DNAH12: variants seen among roughly 807,000 people sequenced by gnomAD.
The protein encoded by DNAH12 is dynein axonemal heavy chain 12, also known as axonemal beta dynein heavy chain 12.
Under a neutral mutation model 371.5 loss-of-function variants are expected in DNAH12, and 285 were observed. The observed-to-expected ratio is 0.77, with a 90% CI of 0.70 to 0.85. DNAH12 has a LOEUF of 0.85. Among genes scored for constraint, DNAH12 ranks in the 40% least tolerant of loss-of-function variants. The pLI is 0.00. For missense variants in DNAH12, 3,611 were observed against 3,689.4 expected (o/e 0.98, Z 0.55); for synonymous variants, 1,200 against 1,213.0 (o/e 0.99, Z 0.22).
intron 69 of DNAH12, among the ~76,000 whole-genome samples, chr3:57,303,877 A>G (rs2061414038): frequency 6.6e-6 from 1 of 152,208 alleles, no homozygotes; most frequent in Non-Finnish European, 1.5e-5. Flanking sequence ...GGCCTGAAGT[A>G]ACTGAAGAAT....
chr3:57,318,522 T>C (rs916075283), intron 65 of DNAH12, among the ~76,000 whole-genome samples: 6 of 152,084 alleles, frequency 3.9e-5, no homozygotes, highest in African/African-American at 7.2e-5. Context: ...TCTGTATGTC[T>C]GACTTTATAC....
chr3:57,304,611 C>G lies in DNAH12; in HGVS notation c.11190-2672G>C, dbSNP rs182362407. ...CTGAACATGGACTTGGGAAGACAGTCTTCCCTTGGTTTTTAATCACGCAGG... is the reference window on the plus strand; with the variant it reads ...CTGAACATGGACTTGGGAAGACAGTGTTCCCTTGGTTTTTAATCACGCAGG... On this transcript the variant is annotated intron_variant, in intron 69 of 73. Transcript: ENST00000495027. Among the ~76,000 whole-genome samples, 332 of 152,308 alleles carry G rather than the reference C, an allele frequency of 2.2e-3. 1 individual carries two copies. The highest frequency in any genetic ancestry group is 3.5e-3 in the Admixed American group (54 of 15,298).
rs1045959470 is a variant in DNAH12, at chr3:57,529,591, T to C, written c.171-5707A>G. On this transcript the variant is annotated intron_variant, in intron 2 of 73. Transcript: ENST00000495027. ...AGTATCAATTGTAATGTCTTCTTTT[T>C]CATCTCTGATTTTATTTATTTGGAT... Among the ~76,000 whole-genome samples, 5 of 152,220 alleles carry C rather than the reference T, an allele frequency of 3.3e-5. No individual in the cohort carries two copies. In the East Asian group the frequency reaches 7.7e-4, roughly 23 times the overall value.
At chr3:57,313,945 GAC>G (rs1250144782) in intron 66 of DNAH12, among the ~76,000 whole-genome samples, 2 of 152,188 alleles carry the variant, frequency 1.3e-5, no homozygotes, top group African/African-American at 2.4e-5. Flanking sequence ...TGCCTTATCA[GAC>G]ACAGAGTGAT....
chr3:57,445,027 A>T, intron 28 of DNAH12, 147 bp downstream of exon 28: 1 of 1,159,084 alleles, frequency 8.6e-7, no homozygotes, highest in East Asian at 2.6e-5. Flanking sequence ...AAGTATAACA[A>T]CATAACCCAA....
intron 19 of DNAH12, 48 bp downstream of exon 19, chr3:57,461,441 T>C (rs2066051199): frequency 6.5e-7 from 1 of 1,529,300 alleles, no homozygotes. Flanking sequence ...TGTAATAGGA[T>C]TGCAATCCGT....
chr3:57,505,776 G>T (rs918856190), intron 8 of DNAH12, among the ~76,000 whole-genome samples: 14 of 151,908 alleles, frequency 9.2e-5, no homozygotes, highest in African/African-American at 2.7e-4. Flanking sequence ...TTGCTCTGTT[G>T]CCCAGGCTGG....
At chr3:57,512,168 A>C (rs1295214029) in intron 4 of DNAH12, among the ~76,000 whole-genome samples, 5 of 152,194 alleles carry the variant, frequency 3.3e-5, no homozygotes, top group Non-Finnish European at 7.3e-5. Flanking sequence ...ATCTCAGACA[A>C]AGTGTAAAGA....
intron 10 of DNAH12, among the ~76,000 whole-genome samples, chr3:57,501,744 A>C (rs1406689142): frequency 1.3e-5 from 2 of 152,196 alleles, no homozygotes; most frequent in East Asian, 3.9e-4. Context: ...AAGACTACAG[A>C]CCAATAAAAT....
At chr3:57,362,037 C>T (rs1288349734) in intron 58 of DNAH12, among the ~76,000 whole-genome samples, 1 of 151,528 alleles carries the variant, frequency 6.6e-6, no homozygotes, top group African/African-American at 2.4e-5. Flanking sequence ...TGACAGCTCC[C>T]AGTGTATGAT....
At chr3:57,479,634 C>T (rs1255409678) in intron 13 of DNAH12, among the ~76,000 whole-genome samples, 3 of 152,210 alleles carry the variant, frequency 2.0e-5, no homozygotes, top group Non-Finnish European at 4.4e-5. Context: ...CTCAGCACCA[C>T]ACAGCACTTA....
chr3:57,552,484 T>C, the DNAH12 span, among the ~76,000 whole-genome samples: 1 of 152,378 alleles, frequency 6.6e-6, no homozygotes, highest in South Asian at 2.1e-4. Context: ...TTCACAGTTA[T>C]CTAATTTACT....
chr3:57,426,407 T>C (rs1029330944), intron 34 of DNAH12, among the ~76,000 whole-genome samples: 19 of 152,130 alleles, frequency 1.2e-4, no homozygotes, highest in Admixed American at 9.8e-4. Context: ...CTGCATGGTA[T>C]TGATTCAGGT....
chr3:57,385,932 T>C (rs1004994193), intron 47 of DNAH12, among the ~76,000 whole-genome samples: 2 of 152,090 alleles, frequency 1.3e-5, no homozygotes, highest in Admixed American at 6.5e-5. Flanking sequence ...AGTAGGAGAA[T>C]GCAGTCACCA....
At position 57,334,788 on chromosome 3, in the gene DNAH12, C is replaced by T. The variant is rs2062185512; in HGVS notation, c.9827G>A (p.Gly3276Glu). ...CRASEFPAFR[G>E]LRQHFCEHIY... ...ATCGAATTTAAACAATCACCTGAGTCCTCTGAAGGCAGGAAATTCACTTGC... is the reference window on the plus strand; with the variant it reads ...ATCGAATTTAAACAATCACCTGAGTTCTCTGAAGGCAGGAAATTCACTTGC... Residue 3276 changes from glycine (G) to glutamate (E), a missense_variant, in exon 61 of 74, where the codon GGA (glycine) becomes GAA (glutamate). Around this residue, in one of 3 missense-constraint regions of DNAH12, gnomAD observed 2,266 missense variants for 2,236.9 expected, o/e 1.01. Coordinates refer to ENST00000495027, the MANE Select transcript of DNAH12 (RefSeq NM_001366028.2). The T allele has an allele frequency of 3.9e-6, 6 of 1,550,644 alleles. No individual in the cohort carries two copies. Among genetic ancestry groups the T allele is most frequent in the Non-Finnish European group, 4.4e-6 (5 of 1,146,670 alleles).
chr3:57,490,344 T>C (rs2067073979), intron 11 of DNAH12, among the ~76,000 whole-genome samples: 1 of 152,084 alleles, frequency 6.6e-6, no homozygotes, highest in Admixed American at 6.6e-5. Flanking sequence ...AAAAATATAA[T>C]GATAATAATC....
At position 57,352,132 on chromosome 3, in the gene DNAH12, C is replaced by G; in HGVS notation, c.9627G>C (p.Glu3209Asp). 1 of 1,541,482 alleles carries G rather than the reference C, an allele frequency of 6.5e-7. No homozygotes were observed. The highest frequency in any genetic ancestry group is 2.5e-5 in the East Asian group (1 of 40,394). The part of the protein sequence containing the change: ...LYCNICRSLF[E>D]KDKLLFSFLL... Reference sequence around the variant, plus strand: ...AAAAGGAAAATAACAGCTTGTCCTTCTCAAATAGTGATCGGCATATATTAC... The same window carrying G: ...AAAAGGAAAATAACAGCTTGTCCTTGTCAAATAGTGATCGGCATATATTAC... Residue 3209 changes from glutamate (E) to aspartate (D), a missense_variant, in exon 60 of 74, where the codon GAG becomes GAC. Around this residue, in one of 3 missense-constraint regions of DNAH12, gnomAD observed 2,266 missense variants for 2,236.9 expected, o/e 1.01. Transcript: ENST00000495027.
Position 57,477,807 on chromosome 3 carries a change from C to A in DNAH12, c.1651-5136G>T, listed in dbSNP as rs542228910. The stretch of plus-strand genomic sequence containing the variant: ...GCAGCAACCGCTGCTGATACCCAGG[C>A]AAACAGGGTCTGGAGTGGACCTCCA... On this transcript the variant is annotated intron_variant, in intron 13 of 73. Transcript: ENST00000495027. Among the ~76,000 whole-genome samples, 10 of 152,310 alleles carry A rather than the reference C, an allele frequency of 6.6e-5. No homozygotes were observed. The South Asian group carries it at 2.1e-3, about 32-fold the overall frequency.
intron 22 of DNAH12, among the ~76,000 whole-genome samples, chr3:57,455,929 A>C (rs1386977881): frequency 6.6e-6 from 1 of 152,208 alleles, no homozygotes; most frequent in Non-Finnish European, 1.5e-5. Context: ...CCAAACTATA[A>C]ATTGAAAACA....
Sources: allele counts gnomAD v4.1 joint callset (sites outside exome capture counted in the v4.1 genomes callset), GRCh38; gene constraint gnomAD v4.1.1; regional missense constraint gnomAD v4.1.1; transcripts MANE v1.5; gene names NCBI Gene and HGNC (gene_info 2026-07-23, HGNC 2026-07-21).